CNTN5: variants seen among roughly 807,000 people sequenced by gnomAD.
CNTN5 encodes contactin 5.
Under a neutral mutation model 129.1 loss-of-function variants are expected in CNTN5, and 77 were observed. The ratio of observed to expected loss-of-function variants is 0.60; its 90% CI spans 0.50 to 0.72. The LOEUF (loss-of-function observed/expected upper bound fraction) is 0.72, where lower values mean the gene tolerates loss of function less well. CNTN5 is among the 30% of genes least tolerant of loss of function. The pLI is 0.00. For synonymous variants in CNTN5, 509 were observed against 465.6 expected (o/e 1.09, Z -1.20); for missense variants, 1,478 against 1,328.8 (o/e 1.11, Z -1.75).
At chr11:99,538,714 G>A (rs567218492) in intron 2 of CNTN5, among the ~76,000 whole-genome samples, 5 of 152,132 alleles carry the variant, frequency 3.3e-5, no homozygotes, top group Admixed American at 2.0e-4. Flanking sequence ...TACTGCTCTA[G>A]GTATCTGCTG....
intron 3 of CNTN5, among the ~76,000 whole-genome samples, chr11:99,810,971 G>C (rs923986862): frequency 6.6e-6 from 1 of 152,044 alleles, no homozygotes; most frequent in African/African-American, 2.4e-5. Context: ...AGAATATTAT[G>C]CTCTCAAGAG....
chr11:99,705,082 T>A (rs1954697149), intron 3 of CNTN5, among the ~76,000 whole-genome samples: 1 of 151,418 alleles, frequency 6.6e-6, no homozygotes, highest in African/African-American at 2.4e-5. Flanking sequence ...TCTTCCAATA[T>A]CTTCTGGCTT....
intron 8 of CNTN5, among the ~76,000 whole-genome samples, chr11:99,983,754 A>G (rs11222179): frequency 0.069 from 10,522 of 152,262 alleles, 761 homozygotes; most frequent in East Asian, 0.31. Context: ...GGTAGGGTTA[A>G]GAAGAATACA....
intron 1 of CNTN5, among the ~76,000 whole-genome samples, chr11:99,169,269 T>C (rs1861034540): frequency 6.6e-6 from 1 of 152,090 alleles, no homozygotes; most frequent in Non-Finnish European, 1.5e-5. Context: ...ATTCATATAC[T>C]AGTAGTTGTA....
intron 3 of CNTN5, among the ~76,000 whole-genome samples, chr11:99,610,703 A>C (rs1176699903): frequency 6.6e-6 from 1 of 152,128 alleles, no homozygotes; most frequent in African/African-American, 2.4e-5. Context: ...GCCGCATGTT[A>C]GGAAATGATA....
intron 16 of CNTN5, among the ~76,000 whole-genome samples, chr11:100,246,952 G>A (rs1197635028): frequency 6.6e-6 from 1 of 152,094 alleles, no homozygotes; most frequent in East Asian, 1.9e-4. Flanking sequence ...CACAATTCTA[G>A]CCTTCTTGTA....
intron 16 of CNTN5, among the ~76,000 whole-genome samples, chr11:100,231,419 A>T (rs1949485752): frequency 6.6e-6 from 1 of 152,140 alleles, no homozygotes; most frequent in South Asian, 2.1e-4. Context: ...GATCTATAGA[A>T]CTTGATGGCC....
chr11:99,395,073 G>A (rs955180388), intron 2 of CNTN5, among the ~76,000 whole-genome samples: 1 of 151,712 alleles, frequency 6.6e-6, no homozygotes, highest in Admixed American at 6.6e-5. Context: ...GGGATTGCTG[G>A]GTAGAATGGT....
intron 2 of CNTN5, among the ~76,000 whole-genome samples, chr11:99,435,488 T>G (rs1458137586): frequency 3.3e-5 from 5 of 152,136 alleles, no homozygotes; most frequent in Non-Finnish European, 7.4e-5. Flanking sequence ...ACCTACTCCC[T>G]CTCTGCTGTA....
chr11:99,192,728 G>GTTAAATATA (rs1858707170), intron 1 of CNTN5, among the ~76,000 whole-genome samples: 1 of 151,928 alleles, frequency 6.6e-6, no homozygotes, highest in Non-Finnish European at 1.5e-5. Context: ...CTACTGTATG[G>GTTAAATATA]AAATATTATA....
At chr11:99,336,450 A>C (rs756863152) in intron 2 of CNTN5, among the ~76,000 whole-genome samples, 5 of 152,218 alleles carry the variant, frequency 3.3e-5, no homozygotes, top group Non-Finnish European at 7.3e-5. Context: ...ATTCACAGTA[A>C]TAGTATTACT....
chr11:99,922,288 T>C (rs1161066818), intron 7 of CNTN5, among the ~76,000 whole-genome samples: 1 of 152,174 alleles, frequency 6.6e-6, no homozygotes, highest in Non-Finnish European at 1.5e-5. Context: ...CCCCCATGAT[T>C]CAGTTACCTC....
At chr11:99,507,530 G>A (rs1171579225) in intron 2 of CNTN5, among the ~76,000 whole-genome samples, 3 of 151,956 alleles carry the variant, frequency 2.0e-5, no homozygotes, top group Non-Finnish European at 4.4e-5. Context: ...ACCAAAAAAT[G>A]GGTTGTGATG....
chr11:99,699,325 T>C (rs1473497178), intron 3 of CNTN5, among the ~76,000 whole-genome samples: 1 of 151,444 alleles, frequency 6.6e-6, no homozygotes, highest in Non-Finnish European at 1.5e-5. Context: ...AATTAACATC[T>C]AAAAAACTTT....
intron 3 of CNTN5, among the ~76,000 whole-genome samples, chr11:99,717,448 C>A (rs546524824): frequency 1.3e-5 from 2 of 151,900 alleles, no homozygotes; most frequent in South Asian, 2.1e-4. Flanking sequence ...CAATAAAATT[C>A]TATCAGTAAT....
At chr11:99,560,736 C>G (rs1948816085) in intron 3 of CNTN5, among the ~76,000 whole-genome samples, 1 of 152,088 alleles carries the variant, frequency 6.6e-6, no homozygotes. Flanking sequence ...TTTCCCATGT[C>G]AGCACTCCTA....
chr11:99,718,910 A>T (rs1202276951), intron 3 of CNTN5, among the ~76,000 whole-genome samples: 1 of 152,140 alleles, frequency 6.6e-6, no homozygotes, highest in Non-Finnish European at 1.5e-5. Flanking sequence ...TGTATTTATT[A>T]TTTGAGCATT....
intron 17 of CNTN5, among the ~76,000 whole-genome samples, chr11:100,259,622 G>A (rs1482929417): frequency 1.3e-5 from 2 of 152,002 alleles, no homozygotes; most frequent in African/African-American, 2.4e-5. Context: ...AATCAAACTA[G>A]AACTCAGGAT....
intron 16 of CNTN5, among the ~76,000 whole-genome samples, chr11:100,250,072 G>A (rs11602185): frequency 6.6e-6 from 1 of 151,940 alleles, no homozygotes; most frequent in Non-Finnish European, 1.5e-5. Context: ...CCATCATTTA[G>A]AAAAGTTAGC....
Sources: gnomAD v4.1 joint callset for allele counts (sites outside exome capture counted in the v4.1 genomes callset) on GRCh38, gnomAD v4.1.1 for gene constraint, MANE v1.5 for transcripts, NCBI Gene and HGNC (gene_info 2026-07-23, HGNC 2026-07-21) for gene names.